COMMD3: variants seen among roughly 807,000 people sequenced by gnomAD.
The protein encoded by COMMD3 is COMM domain containing 3.
COMMD3 carries 31 observed loss-of-function variants against 31.2 expected under a neutral mutation model. The ratio of observed to expected loss-of-function variants is 0.99; its 90% CI spans 0.75 to 1.34. The LOEUF (loss-of-function observed/expected upper bound fraction) is 1.34, where lower values mean the gene tolerates loss of function less well. Among genes scored for constraint, COMMD3 ranks in the 40% most tolerant of loss-of-function variants. The pLI is 0.00. For synonymous variants in COMMD3, 108 were observed against 87.3 expected (o/e 1.24, Z -1.32); for missense variants, 274 against 236.9 (o/e 1.16, Z -1.03).
At chr10:22,317,770 T>C in intron 1 of COMMD3, 114 bp from the exon 2 acceptor site, 1 of 1,012,642 alleles carries the variant, frequency 9.9e-7, no homozygotes, top group Non-Finnish European at 1.5e-6. Flanking sequence ...TCCTTATAGT[T>C]GATGTTTTTA....
In COMMD3 at chr10:22,318,837, C is replaced by T. The variant is rs751304592; in HGVS notation, c.443C>T (p.Ala148Val). Residue 148 changes from alanine to valine, a missense_variant, in exon 6 of 8, where the codon GCA (alanine) becomes GTA (valine). Coordinates refer to ENST00000376836, the MANE Select transcript of COMMD3 (RefSeq NM_012071.4). The part of the protein sequence containing the change: ...TNQLHRMYRP[A>V]YLVTLSVQNT... ...CAACTTCATAGGATGTACAGACCTG[C>T]ATATTTGGTGACCTTAAGTGTACAG... The T allele has an allele frequency of 1.2e-6, 2 of 1,613,870 alleles. No individual in the cohort carries two copies. Among genetic ancestry groups the T allele is most frequent in the African/African-American group, 1.3e-5 (1 of 75,036 alleles).
intron 1 of COMMD3, among the ~76,000 whole-genome samples, chr10:22,317,197 G>T (rs1835867043): frequency 6.6e-6 from 1 of 152,166 alleles, no homozygotes; most frequent in Admixed American, 6.5e-5. Context: ...TGTCAGTATG[G>T]ATTGAAGACA....
At chr10:22,318,346 C>CT in intron 4 of COMMD3, 40 bp downstream of exon 4, 1 of 1,576,740 alleles carries the variant, frequency 6.3e-7, no homozygotes, top group Non-Finnish European at 8.6e-7. Context: ...GCACTTTTCA[C>CT]TTGCAGGTAT....
intron 1 of COMMD3, 106 bp downstream of exon 1, chr10:22,316,662 C>T (rs1296216066): frequency 7.3e-7 from 1 of 1,365,674 alleles, no homozygotes; most frequent in African/African-American, 1.5e-5. Flanking sequence ...AAGAGGAAGT[C>T]TCCGGGCTTT....
In COMMD3 at chr10:22,319,045, C is replaced by A. The variant is rs184789317; in HGVS notation, c.528+27C>A. 1,069 of 1,562,818 alleles carry A rather than the reference C, an allele frequency of 6.8e-4. 1 individual carries two copies. The highest frequency in any genetic ancestry group is 6.1e-3 in the African/African-American group (442 of 72,372). On this transcript the variant is annotated intron_variant, in intron 7 of 7. Coordinates refer to ENST00000376836, the MANE Select transcript of COMMD3 (RefSeq NM_012071.4). ...TACAGTATTAGGATCTATAAATATT[C>A]CTGTCTTTTTATAAATGTTTACTTG...
chr10:22,317,980 A>G lies in COMMD3; in HGVS notation c.236A>G (p.Asp79Gly). The change falls in exon 2 of 8, where the codon GAC becomes GGC. Residue 79 changes from aspartate (D) to glycine (G), a missense_variant. Physicochemically the swap from Asp to Gly is moderately conservative, Grantham distance 94. Coordinates refer to ENST00000376836, the MANE Select transcript of COMMD3 (RefSeq NM_012071.4). ...YILEAGKHRA[D>G]KSTLSTYLED... is the part of the protein sequence containing the mutation. The stretch of plus-strand genomic sequence containing the variant: ...CTAGAGGCAGGAAAGCACCGAGCTG[A>G]CAAGTCAACTCTAAGGTACAGGATT... The G allele has an allele frequency of 1.2e-6, 2 of 1,614,000 alleles. No homozygotes were observed. The highest frequency in any genetic ancestry group is 1.1e-5 in the South Asian group (1 of 91,078).
chr10:22,318,794 G>T lies in COMMD3; in HGVS notation c.412-12G>T. 1 of 1,613,942 alleles carries T rather than the reference G, an allele frequency of 6.2e-7. No individual in the cohort carries two copies. The highest frequency in any genetic ancestry group is 8.5e-7 in the Non-Finnish European group (1 of 1,179,912). On this transcript the variant is annotated splice_polypyrimidine_tract_variant and intron_variant, in intron 5 of 7. Transcript: ENST00000376836. Reference sequence around the variant, plus strand: ...AGTTAAAAGCTGTTGCGTGTTTGTTGTGTTATTTTAGACCAATCAACTTCA... The same window carrying T: ...AGTTAAAAGCTGTTGCGTGTTTGTTTTGTTATTTTAGACCAATCAACTTCA...
chr10:22,317,166 T>C (rs1225674839), intron 1 of COMMD3, among the ~76,000 whole-genome samples: 1 of 152,220 alleles, frequency 6.6e-6, no homozygotes, highest in African/African-American at 2.4e-5. Flanking sequence ...AGCGATCCGG[T>C]CAGTGACTGC....
At position 22,319,975 on chromosome 10, in the gene COMMD3, C is replaced by T; in HGVS notation, c.565C>T (p.Leu189=). 3.1e-6 allele frequency: 5 copies of T among 1,614,110 alleles called. No homozygotes were observed. Among genetic ancestry groups the T allele is most frequent in the Non-Finnish European group, 4.2e-6 (5 of 1,180,002 alleles). The change falls in exon 8 of 8, where the codon CTG becomes TTG. Residue 189 remains leucine, a synonymous_variant. Coordinates refer to ENST00000376836, the MANE Select transcript of COMMD3 (RefSeq NM_012071.4). ...GAAACTTAAAGATGCTTCGAAAAGCCTGGAAAGAGCAACTCAGTTGTAACT... is the reference window on the plus strand; with the variant it reads ...GAAACTTAAAGATGCTTCGAAAAGCTTGGAAAGAGCAACTCAGTTGTAACT... ...VGKLKDASKS[L]ERATQL is the part of the protein sequence containing the mutation.
In COMMD3 at chr10:22,320,085, T is replaced by A; in HGVS notation, c.*87T>A. ...TGAACCACCGTTTGTGCGAGCTGGATGTCCTTTTCAGTAGAAAAGAATTTT... is the reference window on the plus strand; with the variant it reads ...TGAACCACCGTTTGTGCGAGCTGGAAGTCCTTTTCAGTAGAAAAGAATTTT... On this transcript the variant is annotated 3_prime_UTR_variant, in exon 8 of 8. Transcript: ENST00000376836. 6.2e-7 allele frequency: 1 copy of A among 1,611,552 alleles called. No individual in the cohort carries two copies. Among genetic ancestry groups the A allele is most frequent in the Non-Finnish European group, 8.5e-7 (1 of 1,178,860 alleles).
rs1251174031 is a variant in COMMD3 at position 22,318,142 on chromosome 10, A to G, written c.289A>G (p.Ile97Val). The change falls in exon 3 of 8, where the codon ATA (isoleucine) becomes GTA (valine). Residue 97 changes from isoleucine to valine, a missense_variant. Transcript: ENST00000376836. ...LEDCKFDRERIELFCTEYQNN... is the reference protein window; with the variant it reads ...LEDCKFDRERVELFCTEYQNN... ...AGACTGTAAATTTGACAGAGAGCGA[A>G]TAGAACTGTTTTGCACGGAATATCA... 1 of 1,613,030 alleles carries G rather than the reference A, an allele frequency of 6.2e-7. No individual in the cohort carries two copies. Among genetic ancestry groups the G allele is most frequent in the East Asian group, 2.2e-5 (1 of 44,826 alleles).
In COMMD3 at chr10:22,320,005, G is replaced by C. The variant is rs1450947389; in HGVS notation, c.*7G>C. 1 of 1,614,124 alleles carries C rather than the reference G, an allele frequency of 6.2e-7. No individual in the cohort carries two copies. Among genetic ancestry groups the C allele is most frequent in the East Asian group, 2.2e-5 (1 of 44,884 alleles). ...AAGAGCAACTCAGTTGTAACTTGGG[G>C]AAGTTAACGATCCGCCCGAGTGCAG... is the stretch of plus-strand genomic sequence containing the variant. On this transcript the variant is annotated 3_prime_UTR_variant, in exon 8 of 8. Coordinates refer to ENST00000376836, the MANE Select transcript of COMMD3 (RefSeq NM_012071.4).
intron 2 of COMMD3, 34 bp from the exon 3 acceptor site, chr10:22,318,071 G>A (rs748955215): frequency 1.9e-6 from 3 of 1,604,874 alleles, no homozygotes; most frequent in Non-Finnish European, 8.5e-7. Flanking sequence ...TAAAAATGGA[G>A]ACAGAACTTT....
At chr10:22,319,762 A>G in intron 7 of COMMD3, 177 bp from the exon 8 acceptor site, 1 of 677,818 alleles carries the variant, frequency 1.5e-6, no homozygotes, top group South Asian at 2.0e-5. Flanking sequence ...AACATGAGGT[A>G]TTTCCGAGGA....
At position 22,317,986 on chromosome 10, in the gene COMMD3, CAACT is replaced by C; in HGVS notation, c.243_246del (p.Thr82Ter). 1 of 1,613,870 alleles carries C rather than the reference CAACT, an allele frequency of 6.2e-7. No homozygotes were observed. The highest frequency in any genetic ancestry group is 8.5e-7 in the Non-Finnish European group (1 of 1,179,898). ...GCAGGAAAGCACCGAGCTGACAAGT[CAACT>C]CTAAGGTACAGGATTTATTTAAATA... On this transcript the variant is annotated frameshift_variant, in exon 2 of 8. Transcript: ENST00000376836. LOFTEE classifies it high-confidence loss of function.
chr10:22,317,884 A>G lies in COMMD3; in HGVS notation c.140A>G (p.Asp47Gly). Residue 47 changes from aspartate (D) to glycine (G), a missense_variant and splice_region_variant, in exon 2 of 8, where the codon GAT becomes GGT. Transcript: ENST00000376836. Reference sequence around the variant, plus strand: ...ATCACTGGAAGTTAATTTATTTTAGATCATCCAGACTTGAAACATATCGAC... The same window carrying G: ...ATCACTGGAAGTTAATTTATTTTAGGTCATCCAGACTTGAAACATATCGAC... ...LDAQADEAVL[D>G]HPDLKHIDPV... The G allele has an allele frequency of 6.2e-7, 1 of 1,613,210 alleles. No individual in the cohort carries two copies. The highest frequency in any genetic ancestry group is 8.5e-7 in the Non-Finnish European group (1 of 1,179,674).
At chr10:22,316,798 C>G (rs1293144095) in intron 1 of COMMD3, 1 of 436,632 alleles carries the variant, frequency 2.3e-6, no homozygotes, top group African/African-American at 2.1e-5. Context: ...CCCGGTTTCC[C>G]TCCCAGTCTC....
At chr10:22,319,106 A>G (rs1478903045) in intron 7 of COMMD3, 88 bp downstream of exon 7, 20 of 1,388,860 alleles carry the variant, frequency 1.4e-5, no homozygotes, top group Non-Finnish European at 1.8e-5. Context: ...AAGAAAATTA[A>G]TCTAACCATT....
intron 5 of COMMD3, 21 bp from the exon 6 acceptor site, chr10:22,318,785 G>GT (rs1564346304): frequency 6.2e-7 from 1 of 1,613,884 alleles, no homozygotes; most frequent in South Asian, 1.1e-5. Context: ...AAGCTGTTGC[G>GT]TGTTTGTTGT....
Sources: allele counts gnomAD v4.1 joint callset (sites outside exome capture counted in the v4.1 genomes callset), GRCh38; gene constraint gnomAD v4.1.1; transcripts MANE v1.5; gene names NCBI Gene and HGNC (gene_info 2026-07-23, HGNC 2026-07-21).